The following COLEC12 variants were observed in gnomAD, a reference collection of about 807,000 sequenced individuals.
COLEC12 encodes the protein collectin-12.
Under a neutral mutation model 71.1 loss-of-function variants are expected in COLEC12, and 33 were observed. The observed-to-expected ratio is 0.46, with a 90% CI of 0.35 to 0.62. The LOEUF (loss-of-function observed/expected upper bound fraction) is 0.62, where lower values mean the gene tolerates loss of function less well. Ranked by LOEUF, COLEC12 falls within the 20% of genes least tolerant of loss-of-function variation. COLEC12 has a pLI of 0.00. For missense variants in COLEC12, 765 were observed against 916.1 expected (o/e 0.84, Z 2.13); for synonymous variants, 350 against 353.0 (o/e 0.99, Z 0.10).
intron 2 of COLEC12, among the ~76,000 whole-genome samples, chr18:360,384 T>C (rs1567884122): frequency 1.3e-5 from 2 of 152,158 alleles, no homozygotes; most frequent in South Asian, 4.2e-4. Context: ...GGTTTCACCA[T>C]GTTGGCCAGG....
chr18:325,594 T>C (rs1017728482), intron 8 of COLEC12, among the ~76,000 whole-genome samples: 9 of 139,622 alleles, frequency 6.4e-5, no homozygotes, highest in African/African-American at 2.3e-4. Context: ...TGCTTACACC[T>C]ATACTCATTA....
At chr18:421,141 G>T (rs1442469301) in intron 2 of COLEC12, among the ~76,000 whole-genome samples, 1 of 152,204 alleles carries the variant, frequency 6.6e-6, no homozygotes, top group Admixed American at 6.5e-5. Context: ...CTACTGCTAA[G>T]TTGTGAAAAC....
intron 2 of COLEC12, among the ~76,000 whole-genome samples, chr18:428,278 G>C (rs2846646): frequency 0.19 from 27,566 of 147,840 alleles, 3,303 homozygotes; most frequent in Non-Finnish European, 0.27. Flanking sequence ...AAAAAAAAAA[G>C]AGCTTTTTCT....
intron 2 of COLEC12, among the ~76,000 whole-genome samples, chr18:382,241 C>G (rs556903830): frequency 6.6e-6 from 1 of 152,196 alleles, no homozygotes; most frequent in African/African-American, 2.4e-5. Flanking sequence ...TAATAATTCA[C>G]CCTTCCTGTG....
chr18:363,208 G>A (rs1351170452), intron 2 of COLEC12, among the ~76,000 whole-genome samples: 1 of 152,056 alleles, frequency 6.6e-6, no homozygotes, highest in African/African-American at 2.4e-5. Flanking sequence ...TCTCAATCCA[G>A]TCTGTTTTTC....
rs1299762192 is a variant in COLEC12 at position 318,466 on chromosome 18, G to A, written c.*1579C>T. On this transcript the variant is annotated 3_prime_UTR_variant, in exon 10 of 10. Transcript: ENST00000400256. ...AGTCAAGGAAAGTCAAGGAGCGAAA[G>A]GAAGATGGGCTCAGAGGAAAGGTTT... The A allele has an allele frequency of 2.7e-5, 4 of 150,636 alleles. No homozygotes were observed. The highest frequency in any genetic ancestry group is 9.8e-5 in the African/African-American group (4 of 41,004). The allele number at this position is 150,636 out of a possible 1,614,324, so 9.3% of individuals were successfully genotyped here.
chr18:439,222 C>T (rs1258197400), intron 2 of COLEC12, among the ~76,000 whole-genome samples: 1 of 152,182 alleles, frequency 6.6e-6, no homozygotes, highest in Non-Finnish European at 1.5e-5. Flanking sequence ...GTTTCCAGGT[C>T]TGCCTTTTCT....
intron 2 of COLEC12, among the ~76,000 whole-genome samples, chr18:430,970 G>A (rs932062571): frequency 6.6e-6 from 1 of 152,074 alleles, no homozygotes; most frequent in Non-Finnish European, 1.5e-5. Context: ...AACTATGGCT[G>A]TGGCCTCTTG....
intron 2 of COLEC12, among the ~76,000 whole-genome samples, chr18:366,278 G>A (rs1034775447): frequency 4.6e-5 from 7 of 152,154 alleles, no homozygotes; most frequent in South Asian, 2.1e-4. Context: ...AGCCCTCTCC[G>A]CAGAGTAACA....
chr18:326,352 T>G (rs1913841480), intron 8 of COLEC12, among the ~76,000 whole-genome samples: 1 of 152,064 alleles, frequency 6.6e-6, no homozygotes, highest in Non-Finnish European at 1.5e-5. Flanking sequence ...TTCCTTTTTG[T>G]TTTTGTTTTT....
At chr18:441,125 G>A (rs1486024268) in intron 2 of COLEC12, among the ~76,000 whole-genome samples, 2 of 101,360 alleles carry the variant, frequency 2.0e-5, no homozygotes, top group Non-Finnish European at 4.4e-5. Context: ...GCGGGCGCCT[G>A]TAGTCCCAGC....
At chr18:409,307 G>A (rs1200057430) in intron 2 of COLEC12, among the ~76,000 whole-genome samples, 8 of 152,216 alleles carry the variant, frequency 5.3e-5, no homozygotes, top group South Asian at 2.1e-4. Flanking sequence ...TCGGGAGGCC[G>A]AGGCGGGCAG....
At chr18:482,771 C>A (rs999459080) in intron 1 of COLEC12, among the ~76,000 whole-genome samples, 2 of 151,924 alleles carry the variant, frequency 1.3e-5, no homozygotes, top group African/African-American at 4.8e-5. Flanking sequence ...ACTACCACGC[C>A]CAGCTAATTC....
At chr18:423,435 C>A (rs769350114) in intron 2 of COLEC12, among the ~76,000 whole-genome samples, 1 of 151,864 alleles carries the variant, frequency 6.6e-6, no homozygotes, top group Non-Finnish European at 1.5e-5. Flanking sequence ...TCTTCTTCTT[C>A]TTTTTTTTAA....
At chr18:464,985 C>T (rs1414141668) in intron 2 of COLEC12, among the ~76,000 whole-genome samples, 1 of 152,236 alleles carries the variant, frequency 6.6e-6, no homozygotes, top group Non-Finnish European at 1.5e-5. Context: ...GGGACCTCTA[C>T]TTACAGGAAG....
At chr18:424,843 A>C (rs996679048) in intron 2 of COLEC12, among the ~76,000 whole-genome samples, 1 of 152,236 alleles carries the variant, frequency 6.6e-6, no homozygotes, top group African/African-American at 2.4e-5. Context: ...TGGAGAGCTC[A>C]GTCTAAGGAG....
rs144715046 is a variant in COLEC12, at chr18:384,580, G to A, written c.59-27058C>T. The stretch of plus-strand genomic sequence containing the variant: ...AGAGAACTCTTTGAGCAGGGAGTAG[G>A]AGGCACAGTTAAAAGAATGTGCAAC... On this transcript the variant is annotated intron_variant, in intron 2 of 9. Coordinates refer to ENST00000400256, the MANE Select transcript of COLEC12 (RefSeq NM_130386.3). 3.1e-3 allele frequency among the ~76,000 whole-genome samples: 477 copies of A among 152,294 alleles called. 4 individuals are homozygous for A. The highest frequency in any genetic ancestry group is 0.011 in the African/African-American group (447 of 41,554).
chr18:357,233 T>C lies in COLEC12; in HGVS notation c.181+167A>G, dbSNP rs546500947. On this transcript the variant is annotated intron_variant, in intron 3 of 9. Coordinates refer to ENST00000400256, the MANE Select transcript of COLEC12 (RefSeq NM_130386.3). Reference sequence around the variant, plus strand: ...GAATTACTATGTCCCCCCTTTCAGATCTCATAGCTGTAAGTTTAAGATACA... The same window carrying C: ...GAATTACTATGTCCCCCCTTTCAGACCTCATAGCTGTAAGTTTAAGATACA... Among the ~76,000 whole-genome samples the C allele has an allele frequency of 3.3e-5, 5 of 152,354 alleles. No homozygotes were observed. In the East Asian group the frequency reaches 9.6e-4, roughly 29 times the overall value.
intron 2 of COLEC12, among the ~76,000 whole-genome samples, chr18:424,588 T>C (rs1031241684): frequency 6.6e-6 from 1 of 152,224 alleles, no homozygotes; most frequent in Non-Finnish European, 1.5e-5. Flanking sequence ...TGAAATTCAG[T>C]GTCCTTTACT....
Sources: gnomAD v4.1 joint callset for allele counts (sites outside exome capture counted in the v4.1 genomes callset) on GRCh38, gnomAD v4.1.1 for gene constraint, MANE v1.5 for transcripts, NCBI Gene and HGNC (gene_info 2026-07-23, HGNC 2026-07-21) for gene names.